The following CNTNAP5 variants were observed in gnomAD, a reference collection of about 807,000 sequenced individuals.
CNTNAP5 encodes the protein contactin-associated protein-like 5.
In CNTNAP5, 72 loss-of-function variants were observed where a neutral mutation model predicts 150.2. That is an observed-to-expected ratio of 0.48 (90% CI 0.40 to 0.58). The LOEUF (loss-of-function observed/expected upper bound fraction) is 0.58. Ranked by LOEUF, CNTNAP5 falls within the 20% of genes least tolerant of loss-of-function variation. The probability of loss-of-function intolerance (pLI) is 0.00; values close to 1 mark genes in which losing one functional copy is unlikely to be tolerated. For synonymous variants in CNTNAP5, 672 were observed against 619.8 expected, an observed-to-expected ratio of 1.08 and a Z score of -1.25; for missense variants, 1,636 against 1,626.2, an observed-to-expected ratio of 1.01 and a Z score of -0.10.
intron 5 of CNTNAP5, among the ~76,000 whole-genome samples, chr2:124,442,071 AT>A (rs900622358): frequency 6.6e-6 from 1 of 152,158 alleles, no homozygotes; most frequent in African/African-American, 2.4e-5. Flanking sequence ...AAGTACTTTT[AT>A]TTTCCTAAAG....
rs374784384 is a variant in CNTNAP5 at position 124,798,336 on chromosome 2, T to A, written c.3217+16T>A. The A allele has an allele frequency of 6.4e-7, 1 of 1,574,452 alleles. No individual in the cohort carries two copies. ...TGCAAGAATGGTGAGTGTGATGGCA[T>A]GATACCCAGCGGAGTCTCAGCCTGG... is the stretch of plus-strand genomic sequence containing the variant. On this transcript the variant is annotated intron_variant, in intron 19 of 23. Transcript: ENST00000682447.
intron 13 of CNTNAP5, among the ~76,000 whole-genome samples, chr2:124,683,846 G>A (rs578072419): frequency 1.2e-4 from 18 of 152,248 alleles, no homozygotes; most frequent in South Asian, 4.2e-4. Flanking sequence ...GGCAACTAAC[G>A]TTTATTGCCT....
intron 19 of CNTNAP5, among the ~76,000 whole-genome samples, chr2:124,855,095 A>G (rs1207822076): frequency 6.6e-6 from 1 of 151,952 alleles, no homozygotes; most frequent in East Asian, 1.9e-4. Context: ...TTGGAAAGGT[A>G]AGAAAGGACA....
At chr2:124,792,226 G>A (rs532250229) in intron 18 of CNTNAP5, among the ~76,000 whole-genome samples, 23 of 152,154 alleles carry the variant, frequency 1.5e-4, no homozygotes, top group South Asian at 4.1e-4. Flanking sequence ...CGATTTTTCC[G>A]TTTCTCATAA....
intron 13 of CNTNAP5, among the ~76,000 whole-genome samples, chr2:124,700,698 A>G (rs1024912351): frequency 1.3e-5 from 2 of 152,138 alleles, no homozygotes; most frequent in Middle Eastern, 3.4e-3. Context: ...AGGTTTTTTT[A>G]TGTAATCTAT....
chr2:124,856,115 TA>T lies in CNTNAP5; in HGVS notation c.3218-9184del, dbSNP rs566652995. On this transcript the variant is annotated intron_variant, in intron 19 of 23. Transcript: ENST00000682447. The stretch of plus-strand genomic sequence containing the variant: ...GTGTGTGTGTGTGTGTGTGTGTGTA[TA>T]AAAAAATAAAGAAATTGTGTGTGGG... Among the ~76,000 whole-genome samples, 295 of 150,584 alleles carry T rather than the reference TA, an allele frequency of 2.0e-3. 4 individuals are homozygous for T. The highest frequency in any genetic ancestry group is 6.9e-3 in the African/African-American group (279 of 40,664).
chr2:124,173,068 C>A (rs1355736716), intron 1 of CNTNAP5, among the ~76,000 whole-genome samples: 1 of 152,108 alleles, frequency 6.6e-6, no homozygotes. Context: ...GACCAGTGAT[C>A]TTTAATGTTA....
intron 6 of CNTNAP5, 100 bp downstream of exon 6, chr2:124,447,037 T>TG: frequency 6.1e-6 from 7 of 1,147,294 alleles, no homozygotes; most frequent in Non-Finnish European, 8.9e-6. Flanking sequence ...GGTGGGGCAC[T>TG]GAGGAGTCTT....
At chr2:124,268,447 C>T (rs1687666234) in intron 3 of CNTNAP5, among the ~76,000 whole-genome samples, 1 of 152,136 alleles carries the variant, frequency 6.6e-6, no homozygotes, top group East Asian at 1.9e-4. Context: ...GAAATCTACC[C>T]CAACCCTACA....
chr2:124,292,797 A>T (rs1264968985), intron 3 of CNTNAP5, among the ~76,000 whole-genome samples: 1 of 152,144 alleles, frequency 6.6e-6, no homozygotes, highest in Non-Finnish European at 1.5e-5. Context: ...TTTTGCAGAG[A>T]TCTCAGCATC....
chr2:124,561,711 A>T, intron 10 of CNTNAP5, among the ~76,000 whole-genome samples: 1 of 152,176 alleles, frequency 6.6e-6, no homozygotes. Context: ...TGAGCAGAAA[A>T]TTTCTAATAT....
At chr2:124,249,993 A>G (rs2565768) in intron 3 of CNTNAP5, among the ~76,000 whole-genome samples, 164 of 27,046 alleles carry the variant, frequency 6.1e-3, no homozygotes, top group African/African-American at 0.02. Context: ...GTGTGTGTGT[A>G]TGTGTTTCTT....
At chr2:124,612,772 A>T (rs184900268) in intron 12 of CNTNAP5, among the ~76,000 whole-genome samples, 11 of 152,276 alleles carry the variant, frequency 7.2e-5, no homozygotes, top group Admixed American at 5.2e-4. Flanking sequence ...ATAAAAGCAG[A>T]CCAGGCATAG....
At position 124,276,357 on chromosome 2, in the gene CNTNAP5, T is replaced by G. The variant is rs57625693; in HGVS notation, c.381+33964T>G. Among the ~76,000 whole-genome samples, 943 of 152,344 alleles carry G rather than the reference T, an allele frequency of 6.2e-3. 10 individuals are homozygous for G. The highest frequency in any genetic ancestry group is 0.022 in the African/African-American group (904 of 41,598). On this transcript the variant is annotated intron_variant, in intron 3 of 23. Coordinates refer to ENST00000682447, the MANE Select transcript of CNTNAP5 (RefSeq NM_001367498.1). ...ACCTTAATAGGCAAGATTATATCCC[T>G]GCTTTTAACATAAAGGAAGTATTGA... is the stretch of plus-strand genomic sequence containing the variant.
chr2:124,452,529 C>T (rs577648618), intron 6 of CNTNAP5, among the ~76,000 whole-genome samples: 1 of 152,150 alleles, frequency 6.6e-6, no homozygotes, highest in Non-Finnish European at 1.5e-5. Context: ...TGTTCCTCTC[C>T]ATACTACTAA....
At chr2:124,839,061 A>G (rs2104690291) in intron 19 of CNTNAP5, among the ~76,000 whole-genome samples, 1 of 152,172 alleles carries the variant, frequency 6.6e-6, no homozygotes, top group South Asian at 2.1e-4. Context: ...GGAAGCTCAT[A>G]TCAAAATGAG....
intron 1 of CNTNAP5, among the ~76,000 whole-genome samples, chr2:124,193,303 G>C (rs1489624121): frequency 6.6e-6 from 1 of 152,164 alleles, no homozygotes; most frequent in Non-Finnish European, 1.5e-5. Context: ...TTTGTTGAGC[G>C]GGACATAATT....
At chr2:124,429,209 T>G (rs1315226578) in intron 4 of CNTNAP5, among the ~76,000 whole-genome samples, 2 of 152,178 alleles carry the variant, frequency 1.3e-5, no homozygotes, top group African/African-American at 4.8e-5. Flanking sequence ...CCAAGTGAAG[T>G]TGGGAGTGCT....
At chr2:124,355,919 A>G (rs1689987373) in intron 3 of CNTNAP5, among the ~76,000 whole-genome samples, 1 of 152,198 alleles carries the variant, frequency 6.6e-6, no homozygotes, top group Non-Finnish European at 1.5e-5. Context: ...AAAAGAATAG[A>G]GGCAATGCTA....
Sources: allele counts gnomAD v4.1 joint callset (sites outside exome capture counted in the v4.1 genomes callset), GRCh38; gene constraint gnomAD v4.1.1; transcripts MANE v1.5; gene names NCBI Gene and HGNC (gene_info 2026-07-23, HGNC 2026-07-21).